COLQ: variants seen among roughly 807,000 people sequenced by gnomAD.
COLQ encodes collagen like tail subunit of asymmetric acetylcholinesterase.
COLQ carries 48 observed loss-of-function variants against 69.0 expected under a neutral mutation model. The ratio of observed to expected loss-of-function variants is 0.70; its 90% confidence interval spans 0.55 to 0.88. COLQ has a LOEUF of 0.88. COLQ is among the 40% of genes least tolerant of loss of function. The pLI, the probability that COLQ is intolerant of heterozygous loss-of-function variation, is 0.00. For synonymous variants in COLQ, 217 were observed against 211.2 expected (o/e 1.03, Z -0.24); for missense variants, 618 against 594.6 (o/e 1.04, Z -0.41).
rs1037923806 is a variant in COLQ, at chr3:15,450,318, C to T, written c.*1326G>A. The T allele has an allele frequency of 6.5e-6, 1 of 153,756 alleles. No individual in the cohort carries two copies. Among genetic ancestry groups the T allele is most frequent in the African/African-American group, 2.4e-5 (1 of 41,436 alleles). 9.5% of individuals were successfully genotyped at this position (153,756 alleles called of 1,614,324 possible). A position where few individuals can be genotyped will look rare whatever the true frequency, so the allele number is the denominator to read the frequency against. ...TGTCACCTGTGGGAGACCGGGTCCA[C>T]CTACAGACACCAGGTGATGGTCCAC... On this transcript the variant is annotated 3_prime_UTR_variant, in exon 17 of 17. Coordinates refer to ENST00000383788, the MANE Select transcript of COLQ (RefSeq NM_005677.4).
chr3:15,467,352 A>C (rs2062214800), intron 11 of COLQ, among the ~76,000 whole-genome samples: 1 of 152,244 alleles, frequency 6.6e-6, no homozygotes. Flanking sequence ...TTACACCCAC[A>C]TAGGTCTGTG....
chr3:15,477,102 G>A lies in COLQ; in HGVS notation c.465+24C>T, dbSNP rs549091843. ...CCCCTCTTGTTTTGACACCGCATGA[G>A]CCCTGAGAGCATGCCACACTTACCC... is the stretch of plus-strand genomic sequence containing the variant. On this transcript the variant is annotated intron_variant, in intron 6 of 16. Transcript: ENST00000383788. 1.3e-4 allele frequency: 212 copies of A among 1,587,504 alleles called. 3 individuals carry two copies. In the South Asian group the frequency reaches 1.6e-3, roughly 12 times the overall value.
At chr3:15,488,170 G>A (rs769327312) in intron 3 of COLQ, 36 bp downstream of exon 3, 7 of 1,481,704 alleles carry the variant, frequency 4.7e-6, no homozygotes, top group Non-Finnish European at 5.6e-6. Context: ...GCTCTAAACA[G>A]AAGACAGCGA....
At chr3:15,463,793 G>C (rs2062157531) in intron 12 of COLQ, among the ~76,000 whole-genome samples, 1 of 152,122 alleles carries the variant, frequency 6.6e-6, no homozygotes, top group Non-Finnish European at 1.5e-5. Context: ...CAGAACCAAG[G>C]AGGAAGAGGA....
intron 1 of COLQ, among the ~76,000 whole-genome samples, chr3:15,506,363 G>A (rs1430203267): frequency 1.3e-5 from 2 of 152,120 alleles, no homozygotes; most frequent in Non-Finnish European, 2.9e-5. Flanking sequence ...GGTATTACAT[G>A]CATGTGATTC....
intron 1 of COLQ, among the ~76,000 whole-genome samples, chr3:15,496,851 G>A (rs1034710499): frequency 6.6e-6 from 1 of 152,134 alleles, no homozygotes; most frequent in African/African-American, 2.4e-5. Flanking sequence ...AGAAACTGAG[G>A]CACATCTTTG....
chr3:15,489,087 C>T (rs532808574), intron 2 of COLQ, among the ~76,000 whole-genome samples: 22 of 152,326 alleles, frequency 1.4e-4, no homozygotes, highest in African/African-American at 4.8e-4. Flanking sequence ...AGTGTGGCTA[C>T]GGGAGAACTA....
chr3:15,478,227 C>T (rs1247399406), intron 5 of COLQ, among the ~76,000 whole-genome samples: 1 of 152,184 alleles, frequency 6.6e-6, no homozygotes, highest in Non-Finnish European at 1.5e-5. Context: ...TGTGCCTTGG[C>T]TATAGTTTTC....
chr3:15,503,974 C>T (rs1286071827), intron 1 of COLQ, among the ~76,000 whole-genome samples: 1 of 152,128 alleles, frequency 6.6e-6, no homozygotes, highest in Admixed American at 6.6e-5. Context: ...AACCCAATGA[C>T]TGTTCATCTC....
At chr3:15,493,281 C>T (rs984287033) in intron 1 of COLQ, among the ~76,000 whole-genome samples, 5 of 152,204 alleles carry the variant, frequency 3.3e-5, no homozygotes, top group African/African-American at 9.6e-5. Flanking sequence ...ATGTTCCATT[C>T]AGGGCTACTT....
intron 15 of COLQ, 87 bp downstream of exon 15, chr3:15,455,812 G>C: frequency 6.4e-7 from 1 of 1,572,364 alleles, no homozygotes. Context: ...AGGTCCCAAA[G>C]CACCACAGCT....
rs1264827240 is a variant in COLQ, at chr3:15,451,002, G to A, written c.*642C>T. 1 of 153,520 alleles carries A rather than the reference G, an allele frequency of 6.5e-6. No homozygotes were observed. The highest frequency in any genetic ancestry group is 6.4e-5 in the Admixed American group (1 of 15,594). The allele number at this position is 153,520 out of a possible 1,614,324, so 9.5% of individuals were successfully genotyped here. A position where few individuals can be genotyped will look rare whatever the true frequency, so the allele number is the denominator to read the frequency against. On this transcript the variant is annotated 3_prime_UTR_variant, in exon 17 of 17. Transcript: ENST00000383788. ...TAGCCTCTGCTTGGGGCAAGCCTGGGTCAGGTGGGTTCTCAGTACTTTTTC... is the reference window on the plus strand; with the variant it reads ...TAGCCTCTGCTTGGGGCAAGCCTGGATCAGGTGGGTTCTCAGTACTTTTTC...
intron 16 of COLQ, among the ~76,000 whole-genome samples, chr3:15,452,550 T>G (rs1335490003): frequency 1.3e-5 from 2 of 152,216 alleles, no homozygotes; most frequent in Non-Finnish European, 1.5e-5. Flanking sequence ...GGGGAATAGC[T>G]GTGTAACCAC....
chr3:15,463,720 A>G (rs529414773), intron 12 of COLQ, among the ~76,000 whole-genome samples: 1 of 152,232 alleles, frequency 6.6e-6, no homozygotes, highest in South Asian at 2.1e-4. Flanking sequence ...ACTCAGGCCA[A>G]GCTCTCAGTC....
chr3:15,501,170 C>T (rs2062824231), intron 1 of COLQ, among the ~76,000 whole-genome samples: 1 of 152,178 alleles, frequency 6.6e-6, no homozygotes, highest in Non-Finnish European at 1.5e-5. Context: ...TTTCTGGGGC[C>T]TTCCTGCAGC....
chr3:15,496,142 G>A (rs1244310833), intron 1 of COLQ: 4 of 152,546 alleles, frequency 2.6e-5, no homozygotes, highest in Admixed American at 6.5e-5. Flanking sequence ...GGAAATTGGA[G>A]ACCTCTTCAG....
rs1187719580 is a variant in COLQ, at chr3:15,465,283, T to TA, written c.814+1057_814+1058insT. 6.1e-5 allele frequency among the ~76,000 whole-genome samples: 9 copies of TA among 148,316 alleles called. No homozygotes were observed. The East Asian group carries it at 1.4e-3, about 23-fold the overall frequency. ...TTATTTATTTATTTATTTATTTATT[T>TA]TGAGATGGAGTCTCGCTCTGTCACC... is the stretch of plus-strand genomic sequence containing the variant. On this transcript the variant is annotated intron_variant, in intron 12 of 16. Coordinates refer to ENST00000383788, the MANE Select transcript of COLQ (RefSeq NM_005677.4).
chr3:15,493,838 C>A (rs1281008908), intron 1 of COLQ, among the ~76,000 whole-genome samples: 1 of 152,210 alleles, frequency 6.6e-6, no homozygotes, highest in Non-Finnish European at 1.5e-5. Flanking sequence ...AATCCCAACA[C>A]TTTGGGAGGC....
In COLQ at chr3:15,473,970, G is replaced by GC. The variant is rs756856652; in HGVS notation, c.636+29dup. The GC allele has an allele frequency of 6.2e-7, 1 of 1,612,198 alleles. No homozygotes were observed. Among genetic ancestry groups the GC allele is most frequent in the Non-Finnish European group, 8.5e-7 (1 of 1,178,332 alleles). ...TGGAGGACCTGATATTTTTATTGAG[G>GC]CCTATTTTCACTACCTCAAGGTTAC... is the stretch of plus-strand genomic sequence containing the variant. On this transcript the variant is annotated intron_variant, in intron 10 of 16. Coordinates refer to ENST00000383788, the MANE Select transcript of COLQ (RefSeq NM_005677.4). This position sits in a 1 kb window ranked among gnomAD's most constrained non-coding sequence, Gnocchi z 4.0.
Sources: allele counts gnomAD v4.1 joint callset (sites outside exome capture counted in the v4.1 genomes callset), GRCh38; gene constraint gnomAD v4.1.1; non-coding constraint Gnocchi (gnomAD v3.1); transcripts MANE v1.5; gene names NCBI Gene and HGNC (gene_info 2026-07-23, HGNC 2026-07-21).